The following GUCY1A2 variants were observed in gnomAD, a reference collection of about 807,000 sequenced individuals.
GUCY1A2 encodes the protein guanylate cyclase 1 soluble subunit alpha 2, also known as guanylate cyclase soluble subunit alpha-2.
In GUCY1A2, 27 loss-of-function variants were observed where a neutral mutation model predicts 63.5. The ratio of observed to expected loss-of-function variants is 0.43; its 90% CI spans 0.31 to 0.59. The LOEUF is 0.59. Ranked by LOEUF, GUCY1A2 falls within the 20% of genes least tolerant of loss-of-function variation. The pLI is 0.11. For missense variants in GUCY1A2, 768 were observed against 913.3 expected (o/e 0.84, Z 2.05); for synonymous variants, 364 against 343.5 (o/e 1.06, Z -0.66).
intron 1 of GUCY1A2, among the ~76,000 whole-genome samples, chr11:107,013,464 T>C (rs1392878871): frequency 6.6e-6 from 1 of 152,238 alleles, no homozygotes; most frequent in East Asian, 1.9e-4. Flanking sequence ...TTAATATGTA[T>C]TCCCAACTAT....
intron 6 of GUCY1A2, among the ~76,000 whole-genome samples, chr11:106,728,786 G>A (rs1453849348): frequency 6.6e-6 from 1 of 152,166 alleles, no homozygotes; most frequent in East Asian, 1.9e-4. Context: ...TACACTCTGA[G>A]AGGAGGGACT....
chr11:107,005,105 T>C (rs1345482493), intron 1 of GUCY1A2, among the ~76,000 whole-genome samples: 1 of 152,160 alleles, frequency 6.6e-6, no homozygotes, highest in Non-Finnish European at 1.5e-5. Context: ...ATTATCATCA[T>C]TACTATAGCT....
chr11:106,831,976 T>C (rs1239924813), intron 4 of GUCY1A2, among the ~76,000 whole-genome samples: 2 of 152,178 alleles, frequency 1.3e-5, no homozygotes, highest in Non-Finnish European at 2.9e-5. Flanking sequence ...AGTCTGACTA[T>C]ATTCACTCTC....
intron 4 of GUCY1A2, among the ~76,000 whole-genome samples, chr11:106,884,019 T>C (rs968136450): frequency 6.6e-6 from 1 of 151,944 alleles, no homozygotes; most frequent in African/African-American, 2.4e-5. Flanking sequence ...GGTGGGAACA[T>C]CACACACCAG....
intron 3 of GUCY1A2, among the ~76,000 whole-genome samples, chr11:106,977,393 G>A (rs1861276366): frequency 6.6e-6 from 1 of 152,132 alleles, no homozygotes; most frequent in African/African-American, 2.4e-5. Context: ...CTAAGATTAA[G>A]GTGATGAATC....
intron 7 of GUCY1A2, among the ~76,000 whole-genome samples, chr11:106,700,325 A>G (rs182078935): frequency 6.6e-6 from 1 of 151,886 alleles, no homozygotes; most frequent in African/African-American, 2.4e-5. Context: ...AAATCCCCCT[A>G]CCCCCAAAAA....
intron 7 of GUCY1A2, among the ~76,000 whole-genome samples, chr11:106,701,281 A>G (rs1194113507): frequency 6.6e-6 from 1 of 151,896 alleles, no homozygotes. Context: ...TGTCCCATAT[A>G]CTCATGTTCA....
chr11:106,897,556 T>C (rs1221328002), intron 4 of GUCY1A2, among the ~76,000 whole-genome samples: 12 of 151,592 alleles, frequency 7.9e-5, no homozygotes, highest in Non-Finnish European at 2.9e-5. Context: ...AATATATATA[T>C]ATAGTAAAAC....
At chr11:106,810,612 T>A in intron 4 of GUCY1A2, 134 bp from the exon 5 acceptor site, 1 of 629,888 alleles carries the variant, frequency 1.6e-6, no homozygotes, top group Non-Finnish European at 2.6e-6. Flanking sequence ...TATAAGCAAA[T>A]TTAAATCTGA....
At chr11:106,695,020 T>A (rs1377378089) in intron 7 of GUCY1A2, among the ~76,000 whole-genome samples, 1 of 152,200 alleles carries the variant, frequency 6.6e-6, no homozygotes. Context: ...CATGTGTGCA[T>A]GTAAACAGGC....
chr11:106,785,125 TCA>T (rs1591275941), intron 5 of GUCY1A2, among the ~76,000 whole-genome samples: 1 of 152,320 alleles, frequency 6.6e-6, no homozygotes. Context: ...AGCTTTAAAT[TCA>T]CAGTCTGATT....
intron 1 of GUCY1A2, among the ~76,000 whole-genome samples, chr11:107,012,940 G>A (rs1393401949): frequency 6.6e-6 from 1 of 150,842 alleles, no homozygotes; most frequent in African/African-American, 2.4e-5. Context: ...ACTTTCTAAG[G>A]TTTTTTTTCA....
intron 4 of GUCY1A2, among the ~76,000 whole-genome samples, chr11:106,892,069 A>T (rs1034144316): frequency 1.2e-4 from 18 of 151,990 alleles, no homozygotes; most frequent in African/African-American, 4.3e-4. Flanking sequence ...TCTCTGCAAA[A>T]TTTTGCAATT....
At position 106,993,165 on chromosome 11, in the gene GUCY1A2, C is replaced by G. The variant is rs7131642; in HGVS notation, c.304-7034G>C. On this transcript the variant is annotated intron_variant, in intron 1 of 7. Transcript: ENST00000526355. The stretch of plus-strand genomic sequence containing the variant: ...GTTTAATTTTAGTAAACAGGCTTGT[C>G]AGAGAAAGATAAATTGTGGGGACAA... Among the ~76,000 whole-genome samples, 1,254 of 152,242 alleles carry G rather than the reference C, an allele frequency of 8.2e-3. 11 individuals carry two copies. Among genetic ancestry groups the G allele is most frequent in the African/African-American group, 0.028 (1,164 of 41,538 alleles).
intron 7 of GUCY1A2, among the ~76,000 whole-genome samples, chr11:106,706,545 GT>G (rs71041682): frequency 0.021 from 3,050 of 142,734 alleles, 104 homozygotes; most frequent in African/African-American, 0.069. Flanking sequence ...GGCTGGCAGA[GT>G]TTTTTTTTTT....
intron 1 of GUCY1A2, among the ~76,000 whole-genome samples, chr11:107,015,561 CAAAAAAAAAAAAAAA>C (rs568139219): frequency 9.8e-4 from 27 of 27,510 alleles, no homozygotes; most frequent in African/African-American, 2.9e-3. Context: ...TTCTCTTAGG[CAAAAAAAAAAAAAAA>C]AAAAAAAAAA....
intron 1 of GUCY1A2, among the ~76,000 whole-genome samples, chr11:106,992,407 G>A (rs891291005): frequency 2.1e-5 from 3 of 142,352 alleles, no homozygotes; most frequent in Non-Finnish European, 3.0e-5. Flanking sequence ...TCAGCTCACT[G>A]CAACCTCCAC....
intron 7 of GUCY1A2, among the ~76,000 whole-genome samples, chr11:106,706,343 A>G (rs1279836495): frequency 1.3e-5 from 2 of 151,840 alleles, no homozygotes; most frequent in Non-Finnish European, 2.9e-5. Flanking sequence ...CAACGTGTCT[A>G]TCTATGGCTC....
At chr11:106,959,810 A>C (rs1215930296) in intron 3 of GUCY1A2, among the ~76,000 whole-genome samples, 1 of 152,204 alleles carries the variant, frequency 6.6e-6, no homozygotes, top group East Asian at 1.9e-4. Context: ...CAGTCTGGTA[A>C]AACTCCTCAG....
Sources: allele counts gnomAD v4.1 joint callset (sites outside exome capture counted in the v4.1 genomes callset), GRCh38; gene constraint gnomAD v4.1.1; transcripts MANE v1.5; gene names NCBI Gene and HGNC (gene_info 2026-07-23, HGNC 2026-07-21).